Variants in GPC5 observed in about 807,000 individuals in gnomAD.
GPC5 encodes glypican-5.
A neutral mutation model predicts 53.9 loss-of-function variants in GPC5; 47 were observed. That is an observed-to-expected ratio of 0.87 (90% CI 0.69 to 1.11). The LOEUF (loss-of-function observed/expected upper bound fraction) is 1.11, where lower values mean the gene tolerates loss of function less well. Ranked by LOEUF, GPC5 falls within the 50% of genes most tolerant of loss-of-function variation. The probability of loss-of-function intolerance (pLI) is 0.00; values close to 1 mark genes in which losing one functional copy is unlikely to be tolerated. For missense variants in GPC5, 748 were observed against 713.1 expected (o/e 1.05, Z -0.56); for synonymous variants, 286 against 263.3 (o/e 1.09, Z -0.84).
At chr13:92,474,259 A>G (rs548838900) in intron 7 of GPC5, among the ~76,000 whole-genome samples, 1 of 151,970 alleles carries the variant, frequency 6.6e-6, no homozygotes, top group South Asian at 2.1e-4. Context: ...TTAATGAGTG[A>G]CCTGGTCTTC....
At chr13:92,365,204 C>T (rs1465868814) in intron 7 of GPC5, among the ~76,000 whole-genome samples, 1 of 151,678 alleles carries the variant, frequency 6.6e-6, no homozygotes, top group African/African-American at 2.4e-5. Flanking sequence ...TAGCCTGTTG[C>T]TCCTATGTTA....
At chr13:91,400,985 GT>G (rs1330681942) in intron 1 of GPC5, among the ~76,000 whole-genome samples, 1 of 152,196 alleles carries the variant, frequency 6.6e-6, no homozygotes, top group Non-Finnish European at 1.5e-5. Context: ...ACTCTGGATT[GT>G]TTCCCCATTG....
chr13:92,200,712 G>A (rs532818050), intron 7 of GPC5, among the ~76,000 whole-genome samples: 3 of 152,258 alleles, frequency 2.0e-5, no homozygotes, highest in Admixed American at 6.5e-5. Context: ...AACTGGATTC[G>A]ATTGGATCAT....
At chr13:92,116,514 C>T (rs988709571) in intron 6 of GPC5, among the ~76,000 whole-genome samples, 13 of 152,208 alleles carry the variant, frequency 8.5e-5, no homozygotes, top group Non-Finnish European at 1.6e-4. Context: ...TTAATAAAAG[C>T]TGCTGTACGC....
chr13:92,488,482 C>T (rs896789356), intron 7 of GPC5, among the ~76,000 whole-genome samples: 7 of 152,058 alleles, frequency 4.6e-5, no homozygotes, highest in Non-Finnish European at 8.8e-5. Context: ...TGCAAAAATC[C>T]CTCCGTTGCC....
chr13:91,816,186 CA>C (rs1454382617), intron 5 of GPC5, among the ~76,000 whole-genome samples: 6 of 152,264 alleles, frequency 3.9e-5, no homozygotes, highest in Non-Finnish European at 7.4e-5. Flanking sequence ...GCCCCGCCTC[CA>C]AGCCCCTCAC....
chr13:92,490,973 A>C (rs1366616608), intron 7 of GPC5, among the ~76,000 whole-genome samples: 3 of 152,100 alleles, frequency 2.0e-5, no homozygotes, highest in Non-Finnish European at 4.4e-5. Flanking sequence ...GGGGGTACAG[A>C]ATGAGGTAGA....
At chr13:92,542,103 A>G (rs536517674) in intron 7 of GPC5, among the ~76,000 whole-genome samples, 30 of 152,172 alleles carry the variant, frequency 2.0e-4, no homozygotes, top group African/African-American at 7.0e-4. Context: ...TAATGTATCA[A>G]TAGCTTTATA....
intron 2 of GPC5, among the ~76,000 whole-genome samples, chr13:91,651,256 A>G (rs1231146070): frequency 6.6e-6 from 1 of 152,162 alleles, no homozygotes; most frequent in Non-Finnish European, 1.5e-5. Context: ...TTAAAGGCAC[A>G]TGAGGTCTAC....
intron 2 of GPC5, among the ~76,000 whole-genome samples, chr13:91,688,993 A>C (rs2035682638): frequency 6.6e-6 from 1 of 150,946 alleles, no homozygotes; most frequent in African/African-American, 2.4e-5. Context: ...ACCCCATCTC[A>C]ACAAAAAAAT....
intron 7 of GPC5, among the ~76,000 whole-genome samples, chr13:92,684,801 A>G (rs754164706): frequency 1.3e-5 from 2 of 152,180 alleles, no homozygotes; most frequent in Non-Finnish European, 2.9e-5. Flanking sequence ...GCTTAGTGTC[A>G]TAAGAAACTG....
intron 6 of GPC5, among the ~76,000 whole-genome samples, chr13:91,939,219 G>T (rs947129358): frequency 8.6e-4 from 131 of 152,202 alleles, no homozygotes; most frequent in Middle Eastern, 3.4e-3. Flanking sequence ...AGGCTAACTT[G>T]ATATGGGATT....
intron 7 of GPC5, among the ~76,000 whole-genome samples, chr13:92,445,294 AT>A (rs954784630): frequency 8.1e-6 from 1 of 123,066 alleles, no homozygotes; most frequent in African/African-American, 2.8e-5. Flanking sequence ...TCTTTTTGTG[AT>A]TTTTTTTGTT....
At chr13:91,499,747 C>T (rs75036402) in intron 2 of GPC5, among the ~76,000 whole-genome samples, 14,704 of 152,210 alleles carry the variant, frequency 0.097, 895 homozygotes, top group Middle Eastern at 0.14. Context: ...CCTGATCAGG[C>T]GCAGCCAGTC....
chr13:92,212,349 G>A (rs2042381405), intron 7 of GPC5, among the ~76,000 whole-genome samples: 1 of 152,128 alleles, frequency 6.6e-6, no homozygotes, highest in Non-Finnish European at 1.5e-5. Context: ...TCTGAAGTAT[G>A]AGTATTTTTA....
chr13:92,025,045 G>A (rs1416736867), intron 6 of GPC5, among the ~76,000 whole-genome samples: 1 of 152,022 alleles, frequency 6.6e-6, no homozygotes, highest in Non-Finnish European at 1.5e-5. Flanking sequence ...AAGTATTTAG[G>A]AACTAATCTC....
intron 7 of GPC5, among the ~76,000 whole-genome samples, chr13:92,760,475 T>C (rs1875119044): frequency 6.6e-6 from 1 of 152,116 alleles, no homozygotes; most frequent in Non-Finnish European, 1.5e-5. Context: ...TTTTTCATAA[T>C]AGTCTCTTAT....
chr13:92,348,213 G>C (rs1009058525), intron 7 of GPC5, among the ~76,000 whole-genome samples: 8 of 151,180 alleles, frequency 5.3e-5, no homozygotes, highest in African/African-American at 1.9e-4. Flanking sequence ...CTATTTGCTG[G>C]CTGTAAGAGC....
intron 5 of GPC5, among the ~76,000 whole-genome samples, chr13:91,866,521 C>A (rs1240091174): frequency 6.6e-6 from 1 of 152,164 alleles, no homozygotes; most frequent in African/African-American, 2.4e-5. Context: ...AGCCTGGCAT[C>A]TCCCTTGCCC....
Sources: allele counts gnomAD v4.1 joint callset (sites outside exome capture counted in the v4.1 genomes callset), GRCh38; gene constraint gnomAD v4.1.1; transcripts MANE v1.5; gene names NCBI Gene and HGNC (gene_info 2026-07-23, HGNC 2026-07-21).